The following MAGI2 variants were observed in gnomAD, a reference collection of about 807,000 sequenced individuals.
MAGI2 encodes membrane-associated guanylate kinase, WW and PDZ domain-containing protein 2.
In MAGI2, 35 loss-of-function variants were observed where a neutral mutation model predicts 133.3. That is an observed-to-expected ratio of 0.26 (90% CI 0.20 to 0.35). The LOEUF is 0.35. MAGI2 is among the 10% of genes least tolerant of loss of function. The pLI is 1.00. For missense variants in MAGI2, 1,636 were observed against 1,863.4 expected (o/e 0.88, Z 2.25); for synonymous variants, 729 against 710.6 (o/e 1.03, Z -0.41).
chr7:79,125,350 C>A, intron 1 of MAGI2: 1 of 473,870 alleles, frequency 2.1e-6, no homozygotes, highest in South Asian at 1.6e-5. Context: ...TGGTGGTTGT[C>A]AAAGTGGTTT....
intron 9 of MAGI2, among the ~76,000 whole-genome samples, chr7:78,321,779 T>C (rs1788029203): frequency 6.6e-6 from 1 of 152,084 alleles, no homozygotes; most frequent in African/African-American, 2.4e-5. Context: ...TGGGATCTAA[T>C]TAAACTAAAG....
intron 2 of MAGI2, among the ~76,000 whole-genome samples, chr7:78,918,089 G>C (rs1798940616): frequency 6.6e-6 from 1 of 152,070 alleles, no homozygotes; most frequent in African/African-American, 2.4e-5. Flanking sequence ...CTGATTACTT[G>C]GCATCTTGGT....
In MAGI2 at chr7:78,216,001, A is replaced by G. The variant is rs577999976; in HGVS notation, c.2048-14808T>C. On this transcript the variant is annotated intron_variant, in intron 10 of 21. Transcript: ENST00000354212. ...ATGCTAATCTCTTTCCCACTGATAC[A>G]TAAAAAATGAAATAGTCATAGTATG... is the stretch of plus-strand genomic sequence containing the variant. Among the ~76,000 whole-genome samples, 3 of 152,338 alleles carry G rather than the reference A, an allele frequency of 2.0e-5. No individual in the cohort carries two copies. In the South Asian group the frequency reaches 6.2e-4, roughly 32 times the overall value.
chr7:79,177,455 G>A (rs1427350057), intron 1 of MAGI2, among the ~76,000 whole-genome samples: 1 of 151,982 alleles, frequency 6.6e-6, no homozygotes, highest in Non-Finnish European at 1.5e-5. Context: ...TAAGCTACAA[G>A]TTCTATTTTC....
At chr7:79,211,477 T>G (rs78861315) in intron 1 of MAGI2, among the ~76,000 whole-genome samples, 2 of 150,764 alleles carry the variant, frequency 1.3e-5, no homozygotes, top group African/African-American at 4.9e-5. Flanking sequence ...TTTTTTTTTT[T>G]GAGGCAGGGT....
At chr7:78,620,720 G>T (rs144420620) in intron 3 of MAGI2, among the ~76,000 whole-genome samples, 1 of 151,990 alleles carries the variant, frequency 6.6e-6, no homozygotes, top group Non-Finnish European at 1.5e-5. Context: ...GTCTTGATTC[G>T]ATCCTCTTAA....
At chr7:78,639,497 A>G (rs552927311) in intron 2 of MAGI2, among the ~76,000 whole-genome samples, 5 of 152,284 alleles carry the variant, frequency 3.3e-5, no homozygotes, top group Admixed American at 2.0e-4. Context: ...TGAGTTGAAG[A>G]ATACCCTGTG....
At chr7:78,340,935 T>A (rs535811819) in intron 9 of MAGI2, among the ~76,000 whole-genome samples, 1 of 152,190 alleles carries the variant, frequency 6.6e-6, no homozygotes, top group Non-Finnish European at 1.5e-5. Context: ...CTATTCAACA[T>A]AGTATTGGAA....
chr7:78,552,176 C>CTTTTTTTTT (rs869196799), intron 3 of MAGI2, among the ~76,000 whole-genome samples: 4 of 90,342 alleles, frequency 4.4e-5, no homozygotes, highest in East Asian at 3.8e-4. Flanking sequence ...ATTTGTTTTC[C>CTTTTTTTTT]TTTTTTTTTT....
At chr7:78,532,759 A>C (rs10243652) in intron 3 of MAGI2, among the ~76,000 whole-genome samples, 10,208 of 152,224 alleles carry the variant, frequency 0.067, 1,078 homozygotes, top group African/African-American at 0.23. Context: ...CAAAAAGCTA[A>C]ATAAAATTTT....
At chr7:78,658,494 A>G (rs905673956) in intron 2 of MAGI2, among the ~76,000 whole-genome samples, 1 of 152,198 alleles carries the variant, frequency 6.6e-6, no homozygotes, top group African/African-American at 2.4e-5. Flanking sequence ...AATTAAGATC[A>G]TTTGCTGTAT....
At chr7:79,275,418 G>C (rs566996047) in intron 1 of MAGI2, among the ~76,000 whole-genome samples, 2 of 152,250 alleles carry the variant, frequency 1.3e-5, no homozygotes, top group South Asian at 2.1e-4. Context: ...TTCTTTGAAG[G>C]CTGAAAAAGA....
intron 1 of MAGI2, among the ~76,000 whole-genome samples, chr7:79,103,992 C>T (rs1302300745): frequency 6.6e-6 from 1 of 152,198 alleles, no homozygotes; most frequent in Non-Finnish European, 1.5e-5. Flanking sequence ...TGAGCCACTG[C>T]ACCAGCATTT....
intron 6 of MAGI2, among the ~76,000 whole-genome samples, chr7:78,456,286 T>A (rs1789313845): frequency 6.6e-6 from 1 of 152,174 alleles, no homozygotes; most frequent in Non-Finnish European, 1.5e-5. Flanking sequence ...TTAAGGCTTT[T>A]TATAAGTTTG....
intron 2 of MAGI2, among the ~76,000 whole-genome samples, chr7:78,850,492 C>A (rs1336595914): frequency 6.6e-6 from 1 of 152,104 alleles, no homozygotes; most frequent in Non-Finnish European, 1.5e-5. Flanking sequence ...CAGCTGACAG[C>A]TGGCTAACTC....
intron 1 of MAGI2, among the ~76,000 whole-genome samples, chr7:79,201,034 A>G (rs1452002943): frequency 6.6e-6 from 1 of 151,998 alleles, no homozygotes; most frequent in Non-Finnish European, 1.5e-5. Context: ...CTTTCGGTCT[A>G]CAAGATAGTG....
rs867252231 is a variant in MAGI2 at position 78,645,159 on chromosome 7, T to C, written c.419-17920A>G. On this transcript the variant is annotated intron_variant, in intron 2 of 21. Transcript: ENST00000354212. ...GTCAGTGTGTGTCTACCTGATATTT[T>C]AGTTAAAAACTATCACTTATAGGAA... is the stretch of plus-strand genomic sequence containing the variant. 5.3e-5 allele frequency among the ~76,000 whole-genome samples: 8 copies of C among 152,088 alleles called. No homozygotes were observed. In the Middle Eastern group the frequency reaches 0.01, roughly 195 times the overall value.
chr7:78,053,791 GA>G (rs1487854612), intron 21 of MAGI2, among the ~76,000 whole-genome samples: 1 of 152,134 alleles, frequency 6.6e-6, no homozygotes, highest in Non-Finnish European at 1.5e-5. Flanking sequence ...CGCGAAGTGA[GA>G]AAAAATTTCA....
intron 2 of MAGI2, among the ~76,000 whole-genome samples, chr7:78,749,885 T>C (rs549070260): frequency 6.6e-6 from 1 of 152,098 alleles, no homozygotes; most frequent in South Asian, 2.1e-4. Context: ...AAATACATAT[T>C]GAGAATTTTT....
Sources: allele counts gnomAD v4.1 joint callset (sites outside exome capture counted in the v4.1 genomes callset), GRCh38; gene constraint gnomAD v4.1.1; transcripts MANE v1.5; gene names NCBI Gene and HGNC (gene_info 2026-07-23, HGNC 2026-07-21).